The following MTHFD2L variants were observed in gnomAD, a reference collection of about 807,000 sequenced individuals.
MTHFD2L encodes methylenetetrahydrofolate dehydrogenase (NADP+ dependent) 2 like.
Under a neutral mutation model 34.9 loss-of-function variants are expected in MTHFD2L, and 29 were observed. The observed-to-expected ratio is 0.83, with a 90% CI of 0.62 to 1.13. MTHFD2L has a LOEUF of 1.13. Among genes scored for constraint, MTHFD2L ranks in the 50% most tolerant of loss-of-function variants. The pLI is 0.00. For synonymous variants in MTHFD2L, 167 were observed against 155.7 expected (o/e 1.07, Z -0.54); for missense variants, 481 against 446.5 (o/e 1.08, Z -0.70).
At chr4:74,301,660 A>G in intron 7 of MTHFD2L, 37 bp from the exon 8 acceptor site, 1 of 1,239,436 alleles carries the variant, frequency 8.1e-7, no homozygotes, top group Non-Finnish European at 1.1e-6. Flanking sequence ...AGATATTTTA[A>G]AATAAAGAAT....
intron 3 of MTHFD2L, among the ~76,000 whole-genome samples, chr4:74,177,908 A>G (rs1729359736): frequency 2.6e-5 from 4 of 152,014 alleles, no homozygotes. Context: ...ACACTATGAA[A>G]TAAGAATCAA....
chr4:74,255,067 G>A (rs961106401), intron 6 of MTHFD2L, among the ~76,000 whole-genome samples: 1 of 144,870 alleles, frequency 6.9e-6, no homozygotes, highest in South Asian at 2.2e-4. Flanking sequence ...CCAGGGAGGC[G>A]GAGGTTACAG....
At chr4:74,209,212 G>A (rs189154513) in intron 5 of MTHFD2L, among the ~76,000 whole-genome samples, 3 of 152,018 alleles carry the variant, frequency 2.0e-5, no homozygotes, top group Non-Finnish European at 2.9e-5. Flanking sequence ...CAAGAAAAAC[G>A]TTTAAGTTCT....
intron 1 of MTHFD2L, among the ~76,000 whole-genome samples, chr4:74,171,445 T>G (rs1704691207): frequency 6.6e-6 from 1 of 152,194 alleles, no homozygotes; most frequent in African/African-American, 2.4e-5. Context: ...TAACAGTTTT[T>G]AACGTATTTA....
rs182616603 is a variant in MTHFD2L at position 74,219,015 on chromosome 4, C to T, written c.713-6287C>T. ...TATAAAAATAGTATAAAACTATTTA[C>T]ATAGCATTTACATTGTATTAGGTAT... On this transcript the variant is annotated intron_variant, in intron 5 of 7. Coordinates refer to ENST00000325278, the MANE Select transcript of MTHFD2L (RefSeq NM_001144978.3). 5.2e-3 allele frequency among the ~76,000 whole-genome samples: 785 copies of T among 151,984 alleles called. 8 individuals are homozygous for T. The highest frequency in any genetic ancestry group is 6.4e-3 in the Non-Finnish European group (433 of 67,936).
At chr4:74,283,094 G>A (rs1369982554) in intron 7 of MTHFD2L, among the ~76,000 whole-genome samples, 1 of 152,126 alleles carries the variant, frequency 6.6e-6, no homozygotes, top group Admixed American at 6.6e-5. Flanking sequence ...GATGCACCCA[G>A]ATGGCACTGA....
At chr4:74,158,828 A>T (rs539511377) in intron 1 of MTHFD2L, among the ~76,000 whole-genome samples, 1 of 152,262 alleles carries the variant, frequency 6.6e-6, no homozygotes, top group South Asian at 2.1e-4. Flanking sequence ...TCAGGTGATG[A>T]GACTTAGATT....
At chr4:74,149,599 A>G (rs1036988248) in intron 1 of MTHFD2L, among the ~76,000 whole-genome samples, 1 of 152,234 alleles carries the variant, frequency 6.6e-6, no homozygotes. Flanking sequence ...AATTATTTTT[A>G]AATCAAAACG....
intron 3 of MTHFD2L, among the ~76,000 whole-genome samples, chr4:74,198,043 C>T: frequency 6.6e-6 from 1 of 152,090 alleles, no homozygotes; most frequent in East Asian, 1.9e-4. Flanking sequence ...ATCTGCTATA[C>T]ATTTTGTATG....
At chr4:74,215,658 C>T (rs1737084354) in intron 5 of MTHFD2L, among the ~76,000 whole-genome samples, 1 of 151,790 alleles carries the variant, frequency 6.6e-6, no homozygotes, top group South Asian at 2.1e-4. Context: ...TTGCCAGTCA[C>T]CTTCTTGTTA....
chr4:74,219,834 G>A (rs965141242), intron 5 of MTHFD2L, among the ~76,000 whole-genome samples: 9 of 152,118 alleles, frequency 5.9e-5, no homozygotes, highest in Non-Finnish European at 1.0e-4. Context: ...GACTTGGATA[G>A]TTTCTACGGA....
At chr4:74,188,517 T>C (rs564793) in intron 3 of MTHFD2L, among the ~76,000 whole-genome samples, 23,333 of 152,020 alleles carry the variant, frequency 0.15, 3,878 homozygotes, top group African/African-American at 0.41. Flanking sequence ...AGCTTTAATA[T>C]ATGAATTTCG....
At chr4:74,229,528 A>C (rs75980367) in intron 6 of MTHFD2L, among the ~76,000 whole-genome samples, 1,774 of 152,274 alleles carry the variant, frequency 0.012, 40 homozygotes, top group African/African-American at 0.041. Context: ...AAAGAATGAT[A>C]ATGTCTGAGA....
At chr4:74,244,034 G>T (rs1458422665) in intron 6 of MTHFD2L, among the ~76,000 whole-genome samples, 1 of 152,212 alleles carries the variant, frequency 6.6e-6, no homozygotes, top group Non-Finnish European at 1.5e-5. Context: ...GGTTGGGCCT[G>T]TGGGAGAAAA....
At chr4:74,215,795 CTT>C (rs972420032) in intron 5 of MTHFD2L, among the ~76,000 whole-genome samples, 1 of 151,648 alleles carries the variant, frequency 6.6e-6, no homozygotes, top group African/African-American at 2.4e-5. Context: ...GAGCCAAAGA[CTT>C]TTACTAAATA....
chr4:74,294,889 C>T (rs1749441524), intron 7 of MTHFD2L, among the ~76,000 whole-genome samples: 1 of 152,038 alleles, frequency 6.6e-6, no homozygotes, highest in South Asian at 2.1e-4. Flanking sequence ...GAAGATTAGA[C>T]ATGCATGGCA....
chr4:74,192,413 A>T (rs1221593329), intron 3 of MTHFD2L, among the ~76,000 whole-genome samples: 2 of 152,132 alleles, frequency 1.3e-5, no homozygotes, highest in Non-Finnish European at 2.9e-5. Flanking sequence ...CGTCCATTTT[A>T]TTTTTGAAGC....
intron 6 of MTHFD2L, among the ~76,000 whole-genome samples, chr4:74,266,201 A>G (rs1745267143): frequency 6.6e-6 from 1 of 152,184 alleles, no homozygotes; most frequent in African/African-American, 2.4e-5. Flanking sequence ...GTTGTTCCAG[A>G]GGTTTCATAT....
chr4:74,211,621 T>C (rs1736341369), intron 5 of MTHFD2L, among the ~76,000 whole-genome samples: 1 of 152,238 alleles, frequency 6.6e-6, no homozygotes, highest in African/African-American at 2.4e-5. Flanking sequence ...TTGATGTTAA[T>C]CAGGGATGTT....
Sources: allele counts gnomAD v4.1 joint callset (sites outside exome capture counted in the v4.1 genomes callset), GRCh38; gene constraint gnomAD v4.1.1; transcripts MANE v1.5; gene names NCBI Gene and HGNC (gene_info 2026-07-23, HGNC 2026-07-21).